Variants in HDAC4 observed in about 807,000 individuals in gnomAD.
HDAC4 encodes the protein histone deacetylase 4, also known as histone deacetylase A.
Under a neutral mutation model 135.1 loss-of-function variants are expected in HDAC4, and 16 were observed. That is an observed-to-expected ratio of 0.12 (90% CI 0.08 to 0.18). The LOEUF (loss-of-function observed/expected upper bound fraction) is 0.18, where lower values mean the gene tolerates loss of function less well. Ranked by LOEUF, HDAC4 falls within the 10% of genes least tolerant of loss-of-function variation. The probability of loss-of-function intolerance (pLI) is 1.00; values close to 1 mark genes in which losing one functional copy is unlikely to be tolerated. For synonymous variants in HDAC4, 685 were observed against 653.4 expected, an observed-to-expected ratio of 1.05 and a Z score of -0.74; for missense variants, 1,143 against 1,511.8, an observed-to-expected ratio of 0.76 and a Z score of 4.05.
chr2:239,159,229 A>G (rs1212171489), intron 6 of HDAC4, among the ~76,000 whole-genome samples: 1 of 145,698 alleles, frequency 6.9e-6, no homozygotes, highest in Non-Finnish European at 1.5e-5. Flanking sequence ...CCCACATCTC[A>G]CTTTTCACAC....
At chr2:239,125,469 T>A (rs1189597281) in intron 12 of HDAC4, among the ~76,000 whole-genome samples, 1 of 152,210 alleles carries the variant, frequency 6.6e-6, no homozygotes, top group Non-Finnish European at 1.5e-5. Flanking sequence ...TCTTTTCTTA[T>A]GAATCACGCA....
At chr2:239,197,978 G>A (rs1489270818) in intron 3 of HDAC4, among the ~76,000 whole-genome samples, 2 of 151,704 alleles carry the variant, frequency 1.3e-5, no homozygotes, top group African/African-American at 2.4e-5. Flanking sequence ...CTTGCCTCCC[G>A]AGTAGCTGGG....
intron 3 of HDAC4, among the ~76,000 whole-genome samples, chr2:239,204,726 G>A (rs1436230150): frequency 6.6e-6 from 1 of 152,152 alleles, no homozygotes; most frequent in African/African-American, 2.4e-5. Context: ...CAGACCCTGG[G>A]AATGGGTCAG....
intron 4 of HDAC4, among the ~76,000 whole-genome samples, chr2:239,180,349 T>A (rs1457963759): frequency 1.3e-5 from 2 of 152,068 alleles, no homozygotes; most frequent in African/African-American, 4.8e-5. Context: ...CACCAGGGCA[T>A]CAATCCCGTT....
At chr2:239,096,393 C>T (rs1457963178) in intron 16 of HDAC4, among the ~76,000 whole-genome samples, 4 of 135,074 alleles carry the variant, frequency 3.0e-5, no homozygotes, top group South Asian at 5.3e-4. Flanking sequence ...CCTGCAACCT[C>T]CCCACAGACG....
chr2:239,256,351 A>T (rs2049050892), intron 2 of HDAC4, among the ~76,000 whole-genome samples: 1 of 152,372 alleles, frequency 6.6e-6, no homozygotes, highest in Admixed American at 6.5e-5. Context: ...AGTTTTGACT[A>T]AGGAAAAAAT....
intron 18 of HDAC4, 93 bp downstream of exon 18, chr2:239,089,916 G>A: frequency 1.1e-6 from 1 of 920,552 alleles, no homozygotes; most frequent in Non-Finnish European, 1.8e-6. Context: ...CTCCCAGCCT[G>A]ATGAGAGGGA....
rs147485596 is a variant in HDAC4, at chr2:239,288,759, A to C, written c.23-52095T>G. Among the ~76,000 whole-genome samples the C allele has an allele frequency of 7.2e-5, 11 of 152,374 alleles. No homozygotes were observed. The East Asian group carries it at 1.7e-3, about 24-fold the overall frequency. ...CTAACTTGACACGTACAAGACCTTT[A>C]TAGAGAAAATTATAAAAATCTATTG... On this transcript the variant is annotated intron_variant, in intron 2 of 26. Transcript: ENST00000543185.
chr2:239,202,270 GAGAGTAATCTCCACCC>G (rs1280918020), intron 3 of HDAC4, among the ~76,000 whole-genome samples: 1 of 152,216 alleles, frequency 6.6e-6, no homozygotes, highest in Non-Finnish European at 1.5e-5. Flanking sequence ...AAAGCCTAAT[GAGAGTAATCTCCACCC>G]AGAATCTCCT....
intron 19 of HDAC4, among the ~76,000 whole-genome samples, chr2:239,085,160 C>G (rs1482378865): frequency 6.6e-6 from 1 of 152,020 alleles, no homozygotes; most frequent in African/African-American, 2.4e-5. Flanking sequence ...CACCTGGAAC[C>G]CTTCCTCTCA....
At chr2:239,089,102 C>G (rs148551586) in intron 18 of HDAC4, among the ~76,000 whole-genome samples, 228 of 152,290 alleles carry the variant, frequency 1.5e-3, no homozygotes, top group Non-Finnish European at 2.7e-3. Context: ...TTTCAAGACA[C>G]TACCACTTGC....
At chr2:239,268,836 G>A (rs1218611540) in intron 2 of HDAC4, among the ~76,000 whole-genome samples, 1 of 152,164 alleles carries the variant, frequency 6.6e-6, no homozygotes, top group African/African-American at 2.4e-5. Flanking sequence ...GCCTACCAGG[G>A]GACCTTAGGG....
At chr2:239,265,062 T>C (rs1575562909) in intron 2 of HDAC4, among the ~76,000 whole-genome samples, 1 of 151,288 alleles carries the variant, frequency 6.6e-6, no homozygotes, top group South Asian at 2.1e-4. Flanking sequence ...GGCTGGAGAG[T>C]GGGGGATGGG....
intron 2 of HDAC4, among the ~76,000 whole-genome samples, chr2:239,318,813 C>T (rs1318430776): frequency 1.3e-5 from 2 of 152,020 alleles, no homozygotes; most frequent in African/African-American, 2.4e-5. Flanking sequence ...AATAAAATTC[C>T]CCATTATTAT....
chr2:239,377,615 A>G (rs1197000953), intron 1 of HDAC4, among the ~76,000 whole-genome samples: 1 of 152,234 alleles, frequency 6.6e-6, no homozygotes, highest in Non-Finnish European at 1.5e-5. Context: ...ACCAACCTGG[A>G]GCAGCCGAGG....
At chr2:239,106,729 C>A (rs1481590701) in intron 15 of HDAC4, among the ~76,000 whole-genome samples, 1 of 88,834 alleles carries the variant, frequency 1.1e-5, no homozygotes, top group African/African-American at 2.9e-5. Flanking sequence ...ACAAATATCC[C>A]AGCTTCTAAA....
rs190599321 is a variant in HDAC4, at chr2:239,333,261, G to A, written c.22+19417C>T. On this transcript the variant is annotated intron_variant, in intron 2 of 26. Transcript: ENST00000543185. ...ATAAGATGGGATTTTACATTAAGTGGTTGGTAAAAAAAAGAAGAAAGAAAA... is the reference window on the plus strand; with the variant it reads ...ATAAGATGGGATTTTACATTAAGTGATTGGTAAAAAAAAGAAGAAAGAAAA... Among the ~76,000 whole-genome samples the A allele has an allele frequency of 1.6e-3, 248 of 152,056 alleles. 1 individual carries two copies. The highest frequency in any genetic ancestry group is 2.8e-3 in the Non-Finnish European group (188 of 67,950).
chr2:239,378,736 G>A (rs1303950999), intron 1 of HDAC4, among the ~76,000 whole-genome samples: 7 of 152,080 alleles, frequency 4.6e-5, no homozygotes, highest in African/African-American at 1.4e-4. Context: ...AGGAACCAAT[G>A]ACCCCAGCAA....
At chr2:239,192,907 T>A (rs2045096463) in intron 3 of HDAC4, among the ~76,000 whole-genome samples, 1 of 152,168 alleles carries the variant, frequency 6.6e-6, no homozygotes, top group Non-Finnish European at 1.5e-5. Context: ...AGGGATAAAG[T>A]TAGAAAAACA....
Sources: allele counts gnomAD v4.1 joint callset (sites outside exome capture counted in the v4.1 genomes callset), GRCh38; gene constraint gnomAD v4.1.1; transcripts MANE v1.5; gene names NCBI Gene and HGNC (gene_info 2026-07-23, HGNC 2026-07-21).